Variants in RAB2B observed in about 807,000 individuals in gnomAD.
RAB2B encodes RAB2B, member RAS oncogene family.
In RAB2B, 20 loss-of-function variants were observed where a neutral mutation model predicts 29.8. The observed-to-expected ratio is 0.67, with a 90% confidence interval of 0.47 to 0.97. RAB2B has a LOEUF of 0.97. RAB2B is among the 50% of genes least tolerant of loss of function. RAB2B has a pLI of 0.00. For missense variants in RAB2B, 218 were observed against 272.0 expected (o/e 0.80, Z 1.40); for synonymous variants, 93 against 91.7 (o/e 1.01, Z -0.08).
At chr14:21,472,967 G>A (rs1445868773) in intron 3 of RAB2B, among the ~76,000 whole-genome samples, 3 of 152,246 alleles carry the variant, frequency 2.0e-5, no homozygotes, top group African/African-American at 7.2e-5. Flanking sequence ...TGAGGAGGGC[G>A]GATCACTTGA....
At chr14:21,474,582 AAG>A (rs1350877681) in intron 3 of RAB2B, 2 of 344,336 alleles carry the variant, frequency 5.8e-6, no homozygotes, top group East Asian at 1.1e-4. Context: ...GGAAGGGAGA[AAG>A]AGTTTATGTA....
At chr14:21,474,716 G>T in intron 3 of RAB2B, 151 bp downstream of exon 3, 1 of 628,442 alleles carries the variant, frequency 1.6e-6, no homozygotes, top group Non-Finnish European at 2.8e-6. Flanking sequence ...ATTTGTAACT[G>T]TAACAGAATC....
chr14:21,464,137 C>T (rs543391389), intron 5 of RAB2B, among the ~76,000 whole-genome samples: 1 of 152,244 alleles, frequency 6.6e-6, no homozygotes, highest in South Asian at 2.1e-4. Context: ...CACAGTGGCT[C>T]ATGCCTGTAA....
At chr14:21,465,445 A>T (rs1205512975) in intron 5 of RAB2B, among the ~76,000 whole-genome samples, 1 of 152,202 alleles carries the variant, frequency 6.6e-6, no homozygotes, top group Admixed American at 6.5e-5. Context: ...CCCTACTCCA[A>T]ATATCTAATC....
chr14:21,470,993 CAAAAAA>C (rs869211285), intron 3 of RAB2B, among the ~76,000 whole-genome samples: 7 of 98,768 alleles, frequency 7.1e-5, no homozygotes, highest in African/African-American at 3.0e-4. Context: ...GCTAAAAATA[CAAAAAA>C]AAAAAAAAAA....
At chr14:21,476,371 AC>A (rs1442505853) in intron 2 of RAB2B, 156 bp downstream of exon 2, 4 of 716,452 alleles carry the variant, frequency 5.6e-6, no homozygotes, top group Non-Finnish European at 9.5e-6. Flanking sequence ...CCACATATCA[AC>A]GTTTCATTGG....
At position 21,470,507 on chromosome 14, in the gene RAB2B, T is replaced by C. The variant is rs1317820763; in HGVS notation, c.187-1755A>G. 7.2e-5 allele frequency among the ~76,000 whole-genome samples: 11 copies of C among 152,216 alleles called. No individual in the cohort carries two copies. In the East Asian group the frequency reaches 1.4e-3, roughly 19 times the overall value. On this transcript the variant is annotated intron_variant, in intron 3 of 7. Transcript: ENST00000397762. ...GAAGAATCTCTTTCTATAAGAATCA[T>C]AGAAACATGTGAGTGAGTTGCATAG...
At chr14:21,469,285 A>G (rs892184278) in intron 3 of RAB2B, among the ~76,000 whole-genome samples, 4 of 152,170 alleles carry the variant, frequency 2.6e-5, no homozygotes, top group Admixed American at 1.3e-4. Flanking sequence ...CAATGAATCA[A>G]TATAAAAATT....
intron 3 of RAB2B, among the ~76,000 whole-genome samples, chr14:21,470,598 T>C (rs1390682158): frequency 6.6e-6 from 1 of 152,206 alleles, no homozygotes; most frequent in Non-Finnish European, 1.5e-5. Flanking sequence ...ATACTAATAA[T>C]ATTTTAAGAT....
intron 7 of RAB2B, 143 bp downstream of exon 7, chr14:21,462,202 TAAAAA>T: frequency 4.9e-5 from 20 of 404,264 alleles, no homozygotes; most frequent in South Asian, 7.0e-5. Flanking sequence ...TACCTAGATT[TAAAAA>T]AAAAAAAAAA....
chr14:21,463,874 T>G (rs941150581), intron 5 of RAB2B, 107 bp from the exon 6 acceptor site: 12 of 679,920 alleles, frequency 1.8e-5, no homozygotes, highest in Non-Finnish European at 2.0e-5. Context: ...AGTTATTTCA[T>G]AAAGAATGTA....
Position 21,474,862 on chromosome 14 carries a change from CTCACCGTA to C in RAB2B, c.183_186+4del, listed in dbSNP as rs1296113091. Reference sequence around the variant, plus strand: ...GTCAGAGACTAAATTATTTTGTACTCTCACCGTATCCCAGATTTGCAGTTTGATTTGTT... The same window carrying C: ...GTCAGAGACTAAATTATTTTGTACTCTCCCAGATTTGCAGTTTGATTTGTT... On this transcript the variant is annotated splice_donor_variant and splice_donor_region_variant and coding_sequence_variant and intron_variant, in exon 3 of 8. Transcript: ENST00000397762. LOFTEE classifies it high-confidence loss of function. 6.2e-7 allele frequency: 1 copy of C among 1,611,882 alleles called. No homozygotes were observed. Among genetic ancestry groups the C allele is most frequent in the Non-Finnish European group, 8.5e-7 (1 of 1,178,102 alleles).
chr14:21,462,379 G>A lies in RAB2B; in HGVS notation c.514C>T (p.Gln172Ter). 1.2e-6 allele frequency: 2 copies of A among 1,613,546 alleles called. No homozygotes were observed. The highest frequency in any genetic ancestry group is 1.1e-5 in the South Asian group (1 of 91,008). The change falls in exon 7 of 8, where the codon CAG becomes TAG. Residue 172 changes from glutamine to a stop codon, truncating the protein, a stop_gained. Transcript: ENST00000397762. LOFTEE classifies it high-confidence loss of function. ...TTGTGGACATCAAATAAACCCTGCT[G>A]GATCTTCCTATATATTTCTTTGGCT... Reference protein sequence around the residue: ...NTAKEIYRKIQQGLFDVHNEA... With the variant: ...NTAKEIYRKI
chr14:21,471,283 T>C (rs921154164), intron 3 of RAB2B, among the ~76,000 whole-genome samples: 2 of 151,958 alleles, frequency 1.3e-5, no homozygotes, highest in African/African-American at 4.8e-5. Flanking sequence ...GTCTTGTCTA[T>C]ATCAGTCTCA....
At chr14:21,462,472 G>A in intron 6 of RAB2B, 54 bp from the exon 7 acceptor site, 2 of 1,423,934 alleles carry the variant, frequency 1.4e-6, no homozygotes, top group South Asian at 1.2e-5. Flanking sequence ...GAGAAATGAG[G>A]GAAAGAGAAT....
rs56310285 is a variant in RAB2B at position 21,460,239 on chromosome 14, T to A, written c.*957A>T. 2 of 515,158 alleles carry A rather than the reference T, an allele frequency of 3.9e-6. No individual in the cohort carries two copies. The highest frequency in any genetic ancestry group is 1.9e-5 in the African/African-American group (1 of 51,552). 31.9% of individuals were successfully genotyped at this position (515,158 alleles called of 1,614,324 possible). On this transcript the variant is annotated 3_prime_UTR_variant, in exon 8 of 8. Transcript: ENST00000397762. Reference sequence around the variant, plus strand: ...ATCTAGGTAATTGCAAGTGTTCAAATAGAATGTCTTTGACCCTAATTCTTA... The same window carrying A: ...ATCTAGGTAATTGCAAGTGTTCAAAAAGAATGTCTTTGACCCTAATTCTTA...
intron 5 of RAB2B, among the ~76,000 whole-genome samples, chr14:21,467,464 C>T (rs1396925115): frequency 1.3e-5 from 2 of 152,174 alleles, no homozygotes; most frequent in Non-Finnish European, 2.9e-5. Context: ...CAAACAGTTA[C>T]TAAGCGGTTA....
chr14:21,471,543 G>A (rs576889089), intron 3 of RAB2B, among the ~76,000 whole-genome samples: 1 of 151,642 alleles, frequency 6.6e-6, no homozygotes, highest in Non-Finnish European at 1.5e-5. Flanking sequence ...AGTTGAGCCG[G>A]GGAGGTTGAG....
At chr14:21,462,951 G>C (rs1253466638) in intron 6 of RAB2B, among the ~76,000 whole-genome samples, 1 of 151,874 alleles carries the variant, frequency 6.6e-6, no homozygotes. Context: ...GGGTATTCTG[G>C]TACTGACCCA....
Sources: allele counts gnomAD v4.1 joint callset (sites outside exome capture counted in the v4.1 genomes callset), GRCh38; gene constraint gnomAD v4.1.1; transcripts MANE v1.5; gene names NCBI Gene and HGNC (gene_info 2026-07-23, HGNC 2026-07-21).